Variants in PDE3B observed in about 807,000 individuals in gnomAD.
PDE3B encodes the protein phosphodiesterase 3B.
A neutral mutation model predicts 116.8 loss-of-function variants in PDE3B; 66 were observed. The ratio of observed to expected loss-of-function variants is 0.56; its 90% CI spans 0.46 to 0.69. PDE3B has a LOEUF of 0.69. Ranked by LOEUF, PDE3B falls within the 30% of genes least tolerant of loss-of-function variation. The probability of loss-of-function intolerance (pLI) is 0.00; values close to 1 mark genes in which losing one functional copy is unlikely to be tolerated. For missense variants in PDE3B, 1,384 were observed against 1,368.1 expected (o/e 1.01, Z -0.18); for synonymous variants, 595 against 533.6 (o/e 1.12, Z -1.59).
chr11:14,733,418 C>T (rs1369928424), intron 1 of PDE3B, among the ~76,000 whole-genome samples: 6 of 152,010 alleles, frequency 3.9e-5, no homozygotes, highest in East Asian at 1.9e-4. Flanking sequence ...TCTTTGGATC[C>T]GTCAAAGTTG....
intron 12 of PDE3B, among the ~76,000 whole-genome samples, chr11:14,851,159 G>C (rs1847742354): frequency 6.6e-6 from 1 of 151,986 alleles, no homozygotes; most frequent in South Asian, 2.1e-4. Flanking sequence ...TAGTGTGGTT[G>C]TGGTTTAAGC....
At chr11:14,756,366 G>C (rs1028066874) in intron 1 of PDE3B, among the ~76,000 whole-genome samples, 2 of 152,146 alleles carry the variant, frequency 1.3e-5, no homozygotes, top group Non-Finnish European at 2.9e-5. Context: ...TTGGGAAATA[G>C]GCTTTTGCCA....
At chr11:14,805,857 A>T (rs1858902901) in intron 5 of PDE3B, among the ~76,000 whole-genome samples, 1 of 152,238 alleles carries the variant, frequency 6.6e-6, no homozygotes, top group Non-Finnish European at 1.5e-5. Flanking sequence ...TTCTCAAAAG[A>T]AGACATTTAT....
At chr11:14,852,483 C>G (rs1651245587) in intron 12 of PDE3B, among the ~76,000 whole-genome samples, 1 of 152,210 alleles carries the variant, frequency 6.6e-6, no homozygotes, top group Admixed American at 6.5e-5. Context: ...ATATGAACAA[C>G]TTATACAAGT....
Position 14,671,170 on chromosome 11 carries a change from G to A in PDE3B, c.978+26117G>A, listed in dbSNP as rs893539773. Among the ~76,000 whole-genome samples the A allele has an allele frequency of 5.3e-5, 8 of 152,096 alleles. No homozygotes were observed. The South Asian group carries it at 8.3e-4, about 16-fold the overall frequency. ...AAAAACACAGTGAAATAAATTTCAG[G>A]TAGTTTTAAGTACTGTGATGCATGA... On this transcript the variant is annotated intron_variant, in intron 1 of 15. Coordinates refer to ENST00000282096, the MANE Select transcript of PDE3B (RefSeq NM_000922.4).
chr11:14,880,844 T>A, the PDE3B span: 2 of 1,391,654 alleles, frequency 1.4e-6, no homozygotes, highest in Non-Finnish European at 1.9e-6. Context: ...AAAATTTTTT[T>A]AATGGATGGT....
intron 1 of PDE3B, among the ~76,000 whole-genome samples, chr11:14,684,352 G>C (rs979415704): frequency 2.0e-5 from 3 of 152,144 alleles, no homozygotes; most frequent in African/African-American, 7.2e-5. Context: ...CTTAAAGCCA[G>C]CAGGTTGTAT....
chr11:14,826,763 G>C (rs1026449594), intron 7 of PDE3B, among the ~76,000 whole-genome samples: 1 of 147,194 alleles, frequency 6.8e-6, no homozygotes, highest in Admixed American at 7.0e-5. Context: ...GAAGAGGAAG[G>C]ACTGAAAGTA....
In PDE3B at chr11:14,777,030, GA is replaced by G. The variant is rs778216494; in HGVS notation, c.1029+5046del. Among the ~76,000 whole-genome samples the G allele has an allele frequency of 1.3e-4, 19 of 151,964 alleles. No homozygotes were observed. The East Asian group carries it at 3.5e-3, about 28-fold the overall frequency. On this transcript the variant is annotated intron_variant, in intron 2 of 15. Coordinates refer to ENST00000282096, the MANE Select transcript of PDE3B (RefSeq NM_000922.4). ...AAGTATCTTGAAACAAATGGAAAAAGAAAGAAAATATTAGCAAAAGAAATAT... is the reference window on the plus strand; with the variant it reads ...AAGTATCTTGAAACAAATGGAAAAAGAAGAAAATATTAGCAAAAGAAATAT...
rs145339606 is a variant in PDE3B, at chr11:14,744,272, A to G, written c.979-27665A>G. 2.2e-3 allele frequency among the ~76,000 whole-genome samples: 329 copies of G among 152,124 alleles called. 1 individual carries two copies. Among genetic ancestry groups the G allele is most frequent in the African/African-American group, 6.8e-3 (282 of 41,488 alleles). On this transcript the variant is annotated intron_variant, in intron 1 of 15. Coordinates refer to ENST00000282096, the MANE Select transcript of PDE3B (RefSeq NM_000922.4). ...CTTTTTTCTTTGATTTGGTTATTCAATGTTCTTAAAATTCTGTATGAATTG... is the reference window on the plus strand; with the variant it reads ...CTTTTTTCTTTGATTTGGTTATTCAGTGTTCTTAAAATTCTGTATGAATTG...
At chr11:14,850,278 A>C (rs1847715431) in intron 12 of PDE3B, among the ~76,000 whole-genome samples, 1 of 152,118 alleles carries the variant, frequency 6.6e-6, no homozygotes. Context: ...CATAGGTAGG[A>C]ATTGAACAAT....
Position 14,673,963 on chromosome 11 carries a change from C to T in PDE3B, c.978+28910C>T, listed in dbSNP as rs1051403755. 97 of 1,354,318 alleles carry T rather than the reference C, an allele frequency of 7.2e-5. No homozygotes were observed. In the East Asian group the frequency reaches 2.0e-3, roughly 28 times the overall value. 83.9% of individuals were successfully genotyped at this position (1,354,318 alleles called of 1,614,324 possible). Reference sequence around the variant, plus strand: ...TTTCCACCAGATTTCTTGTAATTTGCGTAATCCTCAAGAATGGAATCCACA... The same window carrying T: ...TTTCCACCAGATTTCTTGTAATTTGTGTAATCCTCAAGAATGGAATCCACA... On this transcript the variant is annotated intron_variant, in intron 1 of 15. Coordinates refer to ENST00000282096, the MANE Select transcript of PDE3B (RefSeq NM_000922.4).
chr11:14,839,774 A>G lies in PDE3B; in HGVS notation c.2321-4053A>G, dbSNP rs117621176. Among the ~76,000 whole-genome samples the G allele has an allele frequency of 6.5e-3, 990 of 152,326 alleles. 5 individuals carry two copies. The highest frequency in any genetic ancestry group is 0.011 in the Non-Finnish European group (770 of 68,016). Reference sequence around the variant, plus strand: ...GTAAGTTATCAAGGTCAGCCATTACATTGATGAGATAATGATGAATAGCTC... The same window carrying G: ...GTAAGTTATCAAGGTCAGCCATTACGTTGATGAGATAATGATGAATAGCTC... On this transcript the variant is annotated intron_variant, in intron 11 of 15. Coordinates refer to ENST00000282096, the MANE Select transcript of PDE3B (RefSeq NM_000922.4).
chr11:14,695,453 G>T (rs1042270386), intron 1 of PDE3B, among the ~76,000 whole-genome samples: 2 of 151,912 alleles, frequency 1.3e-5, no homozygotes, highest in Non-Finnish European at 2.9e-5. Flanking sequence ...TACTAATTTT[G>T]TTGGCTATAT....
chr11:14,729,401 T>C (rs879654355), intron 1 of PDE3B, among the ~76,000 whole-genome samples: 2 of 152,248 alleles, frequency 1.3e-5, no homozygotes, highest in Non-Finnish European at 2.9e-5. Context: ...AATAAAGTTC[T>C]GTCCTGGGTG....
At chr11:14,715,969 C>T (rs11820798) in intron 1 of PDE3B, among the ~76,000 whole-genome samples, 21,430 of 152,114 alleles carry the variant, frequency 0.14, 2,207 homozygotes, top group African/African-American at 0.3. Context: ...GCGTGAGCGA[C>T]GCAGAAGACA....
intron 1 of PDE3B, among the ~76,000 whole-genome samples, chr11:14,684,679 A>G (rs1191973850): frequency 2.6e-5 from 4 of 152,178 alleles, no homozygotes; most frequent in Non-Finnish European, 5.9e-5. Flanking sequence ...TCTCAACCGC[A>G]TAAGACACTT....
intron 1 of PDE3B, among the ~76,000 whole-genome samples, chr11:14,709,597 C>T (rs1036126385): frequency 2.6e-5 from 4 of 152,090 alleles, no homozygotes; most frequent in African/African-American, 7.2e-5. Flanking sequence ...AGTGTGAATT[C>T]GGATTACAGA....
chr11:14,883,867 G>A, the PDE3B span, among the ~76,000 whole-genome samples: 42 of 152,184 alleles, frequency 2.8e-4, no homozygotes, highest in Middle Eastern at 3.4e-3. Flanking sequence ...ACAAGTGGGC[G>A]AAGGACATGA....
Sources: allele counts gnomAD v4.1 joint callset (sites outside exome capture counted in the v4.1 genomes callset), GRCh38; gene constraint gnomAD v4.1.1; transcripts MANE v1.5; gene names NCBI Gene and HGNC (gene_info 2026-07-23, HGNC 2026-07-21).